The following ERC2 variants were observed in gnomAD, a reference collection of about 807,000 sequenced individuals.
ERC2 encodes ERC protein 2.
A neutral mutation model predicts 114.8 loss-of-function variants in ERC2; 42 were observed. The ratio of observed to expected loss-of-function variants is 0.37; its 90% CI spans 0.29 to 0.47. The LOEUF (loss-of-function observed/expected upper bound fraction) is 0.47. ERC2 is among the 20% of genes least tolerant of loss of function. The pLI, the probability that ERC2 is intolerant of heterozygous loss-of-function variation, is 0.99. For missense variants in ERC2, 939 were observed against 1,150.7 expected (o/e 0.82, Z 2.66); for synonymous variants, 454 against 425.5 (o/e 1.07, Z -0.82).
chr3:56,259,319 T>C (rs1177092413), intron 3 of ERC2, among the ~76,000 whole-genome samples: 2 of 152,148 alleles, frequency 1.3e-5, no homozygotes, highest in African/African-American at 2.4e-5. Flanking sequence ...TCAAATGTAA[T>C]CTTTCACACA....
At chr3:56,391,423 A>G (rs6776240) in intron 2 of ERC2, among the ~76,000 whole-genome samples, 40,532 of 152,098 alleles carry the variant, frequency 0.27, 5,796 homozygotes, top group Non-Finnish European at 0.32. Flanking sequence ...CTCTGAGAAG[A>G]CTCTCACATC....
chr3:55,741,540 A>T (rs1338695920), intron 14 of ERC2, among the ~76,000 whole-genome samples: 1 of 152,176 alleles, frequency 6.6e-6, no homozygotes, highest in Non-Finnish European at 1.5e-5. Context: ...CATCAACCTG[A>T]AGAGAGTTCC....
intron 1 of ERC2, among the ~76,000 whole-genome samples, chr3:56,437,412 G>T (rs1216886729): frequency 6.6e-6 from 1 of 152,224 alleles, no homozygotes; most frequent in Non-Finnish European, 1.5e-5. Context: ...GTATGTCACT[G>T]ATGTTTTGTG....
At chr3:56,427,059 G>C (rs540958877) in intron 2 of ERC2, among the ~76,000 whole-genome samples, 31 of 151,286 alleles carry the variant, frequency 2.0e-4, no homozygotes, top group Non-Finnish European at 3.8e-4. Flanking sequence ...GTACTGGGGG[G>C]TTGAGGCAGG....
chr3:55,800,663 G>T (rs1259340059), intron 14 of ERC2, among the ~76,000 whole-genome samples: 1 of 152,012 alleles, frequency 6.6e-6, no homozygotes, highest in East Asian at 1.9e-4. Context: ...GAGGCCAAGA[G>T]GCAAATGAGT....
chr3:56,246,345 G>A (rs2150219246), intron 3 of ERC2, among the ~76,000 whole-genome samples: 1 of 152,216 alleles, frequency 6.6e-6, no homozygotes, highest in South Asian at 2.1e-4. Flanking sequence ...GCTGCCAGCA[G>A]TGCCCCTTCC....
chr3:56,214,282 G>A (rs2049293035), intron 3 of ERC2, among the ~76,000 whole-genome samples: 1 of 151,928 alleles, frequency 6.6e-6, no homozygotes, highest in Admixed American at 6.6e-5. Flanking sequence ...AATAACCAAT[G>A]GAGAGAAGCC....
At chr3:56,388,937 T>C (rs1010703202) in intron 2 of ERC2, among the ~76,000 whole-genome samples, 1 of 152,114 alleles carries the variant, frequency 6.6e-6, no homozygotes, top group Non-Finnish European at 1.5e-5. Context: ...TTAATTATAT[T>C]TTCAATTCTA....
chr3:55,609,581 G>T (rs1193605940), intron 17 of ERC2, among the ~76,000 whole-genome samples: 1 of 152,084 alleles, frequency 6.6e-6, no homozygotes, highest in Non-Finnish European at 1.5e-5. Context: ...TTCATGCTGC[G>T]AGTTACAGGG....
At chr3:55,732,375 G>A (rs1371508268) in intron 15 of ERC2, among the ~76,000 whole-genome samples, 1 of 152,158 alleles carries the variant, frequency 6.6e-6, no homozygotes, top group Non-Finnish European at 1.5e-5. Context: ...TCACGAAGGA[G>A]CCCATCCTCT....
intron 6 of ERC2, among the ~76,000 whole-genome samples, chr3:56,089,757 C>T (rs182949940): frequency 5.9e-5 from 9 of 152,322 alleles, no homozygotes; most frequent in Non-Finnish European, 7.3e-5. Context: ...GAATTTCAAT[C>T]TCCCTTGCAT....
intron 13 of ERC2, among the ~76,000 whole-genome samples, chr3:55,936,103 A>C (rs956311004): frequency 1.3e-5 from 2 of 152,138 alleles, no homozygotes; most frequent in African/African-American, 4.8e-5. Flanking sequence ...GGAGGTCTCC[A>C]TTGAGTCTCA....
intron 2 of ERC2, among the ~76,000 whole-genome samples, chr3:56,316,697 G>A (rs2056879871): frequency 6.6e-6 from 1 of 152,020 alleles, no homozygotes; most frequent in African/African-American, 2.4e-5. Flanking sequence ...CTATTATGCT[G>A]GGGAAATCTC....
At chr3:56,284,602 G>A (rs17288728) in intron 3 of ERC2, among the ~76,000 whole-genome samples, 13,546 of 152,188 alleles carry the variant, frequency 0.089, 851 homozygotes, top group Admixed American at 0.15. Flanking sequence ...TTAAAAAACA[G>A]AAAGGGAGAC....
intron 14 of ERC2, among the ~76,000 whole-genome samples, chr3:55,757,242 G>C (rs1176842013): frequency 2.0e-5 from 3 of 152,116 alleles, no homozygotes; most frequent in African/African-American, 7.2e-5. Context: ...TCTGTAATAT[G>C]TAAGTTGTTC....
chr3:55,997,040 A>G (rs1223008679), intron 10 of ERC2, among the ~76,000 whole-genome samples: 2 of 152,220 alleles, frequency 1.3e-5, no homozygotes, highest in Non-Finnish European at 2.9e-5. Context: ...AAAGGAAAGT[A>G]TTAACTTTGG....
chr3:55,978,557 T>C (rs2069788486), intron 12 of ERC2, among the ~76,000 whole-genome samples: 1 of 152,216 alleles, frequency 6.6e-6, no homozygotes, highest in Non-Finnish European at 1.5e-5. Context: ...ACTCTTGGCA[T>C]GAAAATCTTT....
At chr3:55,656,439 T>C (rs1244386425) in intron 17 of ERC2, among the ~76,000 whole-genome samples, 8 of 152,196 alleles carry the variant, frequency 5.3e-5, no homozygotes, top group Admixed American at 5.2e-4. Context: ...TTAACAAGCA[T>C]GAGCCACCAT....
chr3:55,615,771 G>C (rs1417734558), intron 17 of ERC2, among the ~76,000 whole-genome samples: 1 of 152,098 alleles, frequency 6.6e-6, no homozygotes, highest in Non-Finnish European at 1.5e-5. Flanking sequence ...ATGTCTTTAC[G>C]AGGAAGCAAT....
Sources: gnomAD v4.1 joint callset for allele counts (sites outside exome capture counted in the v4.1 genomes callset) on GRCh38, gnomAD v4.1.1 for gene constraint, MANE v1.5 for transcripts, NCBI Gene and HGNC (gene_info 2026-07-23, HGNC 2026-07-21) for gene names.